The following IPO5 variants were observed in gnomAD, a reference collection of about 807,000 sequenced individuals.
The protein encoded by IPO5 is importin 5, also known as importin-5.
Under a neutral mutation model 143.3 loss-of-function variants are expected in IPO5, and 18 were observed. The ratio of observed to expected loss-of-function variants is 0.13; its 90% CI spans 0.09 to 0.19. The LOEUF (loss-of-function observed/expected upper bound fraction) is 0.19, where lower values mean the gene tolerates loss of function less well. Among genes scored for constraint, IPO5 ranks in the 10% least tolerant of loss-of-function variants. The probability of loss-of-function intolerance (pLI) is 1.00; values close to 1 mark genes in which losing one functional copy is unlikely to be tolerated. For missense variants in IPO5, 1,013 were observed against 1,336.9 expected, an observed-to-expected ratio of 0.76 and a Z score of 3.78; for synonymous variants, 477 against 465.7, an observed-to-expected ratio of 1.02 and a Z score of -0.31.
At chr13:97,995,335 CCT>C (rs909305471) in intron 11 of IPO5, among the ~76,000 whole-genome samples, 1 of 151,904 alleles carries the variant, frequency 6.6e-6, no homozygotes, top group African/African-American at 2.4e-5. Flanking sequence ...CACCCTTTCC[CCT>C]GAGTCCCCAA....
intron 3 of IPO5, among the ~76,000 whole-genome samples, chr13:97,970,369 C>A (rs1818180655): frequency 6.6e-6 from 1 of 152,046 alleles, no homozygotes. Flanking sequence ...GCCTGTAATC[C>A]CAGCACTTTG....
intron 2 of IPO5, among the ~76,000 whole-genome samples, chr13:97,955,736 A>G (rs900539679): frequency 6.6e-6 from 1 of 152,156 alleles, no homozygotes; most frequent in Admixed American, 6.6e-5. Context: ...CCAGTTCAGG[A>G]TCACAGCTAG....
At chr13:97,955,678 C>A (rs1002076275) in intron 2 of IPO5, among the ~76,000 whole-genome samples, 2 of 152,086 alleles carry the variant, frequency 1.3e-5, no homozygotes, top group African/African-American at 4.8e-5. Flanking sequence ...GCCCAACTCG[C>A]CCCAATTTAC....
chr13:98,021,049 A>T lies in IPO5; in HGVS notation c.3123A>T (p.Ile1041=). The change falls in exon 28 of 29, where the codon ATA becomes ATT. Residue 1041 remains isoleucine, a synonymous_variant. Transcript: ENST00000651721. ...NNTNLPKIFS[I]IAEGEMHEAI... is the part of the protein sequence containing the mutation. ...CCAATCTGCCCAAAATATTTAGTAT[A>T]ATTGCGGAAGGAGAAATGCACGAGG... 6.2e-7 allele frequency: 1 copy of T among 1,612,028 alleles called. No individual in the cohort carries two copies.
At chr13:97,989,021 C>G (rs1241993946) in intron 6 of IPO5, 41 bp from the exon 7 acceptor site, 2 of 1,165,760 alleles carry the variant, frequency 1.7e-6, no homozygotes, top group Admixed American at 3.5e-5. Flanking sequence ...TATTGAAGTT[C>G]TGACTTACAC....
intron 20 of IPO5, among the ~76,000 whole-genome samples, chr13:98,010,750 T>C (rs1889635330): frequency 6.6e-6 from 1 of 150,446 alleles, no homozygotes; most frequent in Non-Finnish European, 1.5e-5. Context: ...GTTTTCTTTA[T>C]GAGCATGCGT....
chr13:97,978,201 G>GTGTC (rs1488320995), intron 4 of IPO5, among the ~76,000 whole-genome samples: 32 of 152,282 alleles, frequency 2.1e-4, no homozygotes, highest in Middle Eastern at 3.4e-3. Context: ...GACCGCTTGT[G>GTGTC]TCGTGAATCT....
At position 97,992,905 on chromosome 13, in the gene IPO5, C is replaced by A. The variant is rs1211038216; in HGVS notation, c.683C>A (p.Ser228Ter). 6.2e-7 allele frequency: 1 copy of A among 1,611,238 alleles called. No homozygotes were observed. The highest frequency in any genetic ancestry group is 1.3e-5 in the African/African-American group (1 of 74,858). ...LPGFLQAVND[S>*]CYQNDDSVLK... ...CATCTTTTCTAGGCGGTAAATGACTCGTGCTACCAGAATGATGATTCTGTC... is the reference window on the plus strand; with the variant it reads ...CATCTTTTCTAGGCGGTAAATGACTAGTGCTACCAGAATGATGATTCTGTC... The change falls in exon 10 of 29, where the codon TCG becomes TAG. Residue 228 changes from serine (S) to a stop codon, truncating the protein, a stop_gained. Transcript: ENST00000651721. LOFTEE classifies it high-confidence loss of function.
chr13:97,961,839 T>C (rs753522176), intron 2 of IPO5, among the ~76,000 whole-genome samples: 2 of 152,134 alleles, frequency 1.3e-5, no homozygotes, highest in Non-Finnish European at 2.9e-5. Context: ...ATAAGACATA[T>C]GATTTGTGGC....
chr13:97,983,134 G>A (rs1408787860), intron 5 of IPO5, among the ~76,000 whole-genome samples: 1 of 152,194 alleles, frequency 6.6e-6, no homozygotes, highest in African/African-American at 2.4e-5. Flanking sequence ...GCCTCCGAAA[G>A]TGCTGGGATT....
At chr13:98,006,102 G>T (rs1566545521) in intron 16 of IPO5, 28 bp from the exon 17 acceptor site, 2 of 1,455,770 alleles carry the variant, frequency 1.4e-6, no homozygotes, top group Admixed American at 1.7e-5. Flanking sequence ...GTTTTCCTTT[G>T]AGGTAATAAT....
At chr13:97,985,696 A>G in intron 6 of IPO5, 83 bp downstream of exon 6, 1 of 885,292 alleles carries the variant, frequency 1.1e-6, no homozygotes, top group South Asian at 1.5e-5. Flanking sequence ...CTTTTAGAGT[A>G]AGATTCATAA....
intron 9 of IPO5, among the ~76,000 whole-genome samples, chr13:97,992,449 A>T (rs1001937339): frequency 2.6e-5 from 4 of 152,210 alleles, no homozygotes; most frequent in Non-Finnish European, 2.9e-5. Context: ...TGGTGGCCAC[A>T]CATGTTGTCC....
chr13:97,977,113 A>G, intron 4 of IPO5: 1 of 158,256 alleles, frequency 6.3e-6, no homozygotes. Context: ...CCCGCTTCCC[A>G]GCTCCCCGCT....
chr13:97,989,135 A>C lies in IPO5; in HGVS notation c.438A>C (p.Gly146=), dbSNP rs1887612939. Residue 146 remains glycine, a synonymous_variant, in exon 7 of 29, where the codon GGA becomes GGC. Coordinates refer to ENST00000651721, the MANE Select transcript of IPO5 (RefSeq NM_002271.6). ...ATTCAGTCAGCTCTCAAAATGTGGG[A>C]CTGCGGGAAGCTGCCCTTCACATTT... ...LFDSVSSQNV[G]LREAALHIFW... 6.2e-7 allele frequency: 1 copy of C among 1,612,496 alleles called. No homozygotes were observed.
intron 2 of IPO5, 56 bp from the exon 3 acceptor site, chr13:97,969,664 TATC>T (rs1185104213): frequency 6.7e-6 from 5 of 748,686 alleles, no homozygotes; most frequent in Middle Eastern, 2.3e-4. Flanking sequence ...TTTTTAAGAA[TATC>T]ATCTTCAAAA....
rs184132360 is a variant in IPO5 at position 98,001,086 on chromosome 13, C to G, written c.1108+441C>G. On this transcript the variant is annotated intron_variant, in intron 13 of 28. Coordinates refer to ENST00000651721, the MANE Select transcript of IPO5 (RefSeq NM_002271.6). ...ACAGGATTTCGCCATGTTGCCCAGGCTGGTCTCAAACTCCTGGCCTCAAGC... is the reference window on the plus strand; with the variant it reads ...ACAGGATTTCGCCATGTTGCCCAGGGTGGTCTCAAACTCCTGGCCTCAAGC... 2.6e-5 allele frequency among the ~76,000 whole-genome samples: 4 copies of G among 152,214 alleles called. No individual in the cohort carries two copies. The East Asian group carries it at 7.7e-4, about 29-fold the overall frequency.
At position 98,006,137 on chromosome 13, in the gene IPO5, A is replaced by T; in HGVS notation, c.1505A>T (p.Gln502Leu). 3.1e-6 allele frequency: 5 copies of T among 1,611,010 alleles called. No homozygotes were observed. The highest frequency in any genetic ancestry group is 4.2e-6 in the Non-Finnish European group (5 of 1,177,420). ...TTTGTGTCTTCCTTCTAGCTGATTCAGAAAGGCACCAAGTTAGTTTTGGAA... is the reference window on the plus strand; with the variant it reads ...TTTGTGTCTTCCTTCTAGCTGATTCTGAAAGGCACCAAGTTAGTTTTGGAA... ...IMVLKLQELI[Q>L]KGTKLVLEQV... The change falls in exon 17 of 29, where the codon CAG becomes CTG. Residue 502 changes from glutamine (Q) to leucine (L), a missense_variant. By Grantham distance (113) the Gln-to-Leu change is moderately radical (BLOSUM62 -2). This residue lies in a region of IPO5 where 685 missense variants were observed against 994.9 expected (regional missense o/e 0.69). Coordinates refer to ENST00000651721, the MANE Select transcript of IPO5 (RefSeq NM_002271.6).
chr13:98,011,415 C>T (rs1423546446), intron 20 of IPO5, among the ~76,000 whole-genome samples: 1 of 152,058 alleles, frequency 6.6e-6, no homozygotes, highest in Non-Finnish European at 1.5e-5. Context: ...CTTAACCTCC[C>T]GAGTAGCTAG....
Sources: allele counts gnomAD v4.1 joint callset (sites outside exome capture counted in the v4.1 genomes callset), GRCh38; gene constraint gnomAD v4.1.1; regional missense constraint gnomAD v4.1.1; transcripts MANE v1.5; gene names NCBI Gene and HGNC (gene_info 2026-07-23, HGNC 2026-07-21).